Variants in TRAPPC9 observed in about 807,000 individuals in gnomAD.
TRAPPC9 encodes IKK2 binding protein.
Under a neutral mutation model 124.0 loss-of-function variants are expected in TRAPPC9, and 83 were observed. That is an observed-to-expected ratio of 0.67 (90% confidence interval 0.56 to 0.80). The LOEUF (loss-of-function observed/expected upper bound fraction) is 0.80. Among genes scored for constraint, TRAPPC9 ranks in the 30% least tolerant of loss-of-function variants. The pLI, the probability that TRAPPC9 is intolerant of heterozygous loss-of-function variation, is 0.00. For missense variants in TRAPPC9, 1,302 were observed against 1,508.3 expected (o/e 0.86, Z 2.27); for synonymous variants, 638 against 617.5 (o/e 1.03, Z -0.49).
intron 21 of TRAPPC9, among the ~76,000 whole-genome samples, chr8:139,815,152 T>C (rs1824739699): frequency 6.6e-6 from 1 of 152,082 alleles, no homozygotes; most frequent in Non-Finnish European, 1.5e-5. Context: ...TATCAGTCAA[T>C]TGAGGGGAAG....
At chr8:139,997,327 C>T (rs763888346) in intron 18 of TRAPPC9, among the ~76,000 whole-genome samples, 1 of 149,740 alleles carries the variant, frequency 6.7e-6, no homozygotes, top group Non-Finnish European at 1.5e-5. Flanking sequence ...GGAGAAAATA[C>T]ATCCTACACA....
chr8:140,172,837 T>G (rs1004830716), intron 17 of TRAPPC9, among the ~76,000 whole-genome samples: 1 of 152,238 alleles, frequency 6.6e-6, no homozygotes, highest in Non-Finnish European at 1.5e-5. Flanking sequence ...TCGGTGAGAT[T>G]CCTTTGACCA....
chr8:139,929,559 C>T (rs1313301946), intron 19 of TRAPPC9, among the ~76,000 whole-genome samples: 1 of 152,162 alleles, frequency 6.6e-6, no homozygotes, highest in Non-Finnish European at 1.5e-5. Context: ...CTTCGGGCAG[C>T]CTCAGTTCTT....
intron 9 of TRAPPC9, among the ~76,000 whole-genome samples, chr8:140,327,295 T>A (rs1307367163): frequency 1.3e-5 from 2 of 152,110 alleles, no homozygotes; most frequent in African/African-American, 2.4e-5. Flanking sequence ...CTGACCCTCA[T>A]GCACTGCTGG....
At chr8:140,175,635 T>C (rs994217086) in intron 17 of TRAPPC9, among the ~76,000 whole-genome samples, 3 of 152,184 alleles carry the variant, frequency 2.0e-5, no homozygotes, top group Non-Finnish European at 4.4e-5. Flanking sequence ...AAGATTTAGA[T>C]GTAAAACAAC....
At chr8:139,772,252 C>A (rs550292108) in intron 21 of TRAPPC9, among the ~76,000 whole-genome samples, 1 of 152,354 alleles carries the variant, frequency 6.6e-6, no homozygotes, top group Admixed American at 6.5e-5. Flanking sequence ...TGTGGCCCTA[C>A]AGGCCCGTGC....
Position 140,087,256 on chromosome 8 carries a change from C to G in TRAPPC9, c.2557-63177G>C, listed in dbSNP as rs1310614066. ...TCCTCCTCTGTCTCCCGTGCCCTCCCCCCGGCCCCATCACCCTGCAGATGT... is the reference window on the plus strand; with the variant it reads ...TCCTCCTCTGTCTCCCGTGCCCTCCGCCCGGCCCCATCACCCTGCAGATGT... On this transcript the variant is annotated intron_variant, in intron 17 of 22. Coordinates refer to ENST00000438773, the MANE Select transcript of TRAPPC9 (RefSeq NM_001160372.4). This position sits in a 1 kb window ranked among gnomAD's most constrained non-coding sequence, Gnocchi z 4.6. Among the ~76,000 whole-genome samples, 1 of 152,166 alleles carries G rather than the reference C, an allele frequency of 6.6e-6. No homozygotes were observed. Among genetic ancestry groups the G allele is most frequent in the East Asian group, 1.9e-4 (1 of 5,184 alleles).
In TRAPPC9 at chr8:140,397,760, G is replaced by A. The variant is rs1190679792; in HGVS notation, c.1009-15C>T. ...GCATTCTTATACTGCAGGGTGTAAA[G>A]GAAATGCCTCAGTCAAAAAAGAGTT... On this transcript the variant is annotated splice_polypyrimidine_tract_variant and intron_variant, in intron 6 of 22. Transcript: ENST00000438773. 2.5e-6 allele frequency: 4 copies of A among 1,613,706 alleles called. No individual in the cohort carries two copies. In the Admixed American group the frequency reaches 6.7e-5, roughly 27 times the overall value.
chr8:140,389,241 G>C lies in TRAPPC9; in HGVS notation c.1134+8379C>G, dbSNP rs569308549. 1.2e-3 allele frequency among the ~76,000 whole-genome samples: 181 copies of C among 152,276 alleles called. 2 individuals carry two copies. Among genetic ancestry groups the C allele is most frequent in the African/African-American group, 4.3e-3 (178 of 41,546 alleles). ...CAAAGTGCTGGGACTACAGGCGTGAGCCACCGTGCCTGGCACTGTCCTTTT... is the reference window on the plus strand; with the variant it reads ...CAAAGTGCTGGGACTACAGGCGTGACCCACCGTGCCTGGCACTGTCCTTTT... On this transcript the variant is annotated intron_variant, in intron 7 of 22. Coordinates refer to ENST00000438773, the MANE Select transcript of TRAPPC9 (RefSeq NM_001160372.4).
intron 4 of TRAPPC9, among the ~76,000 whole-genome samples, chr8:140,433,130 C>T (rs956299750): frequency 4.0e-5 from 6 of 151,130 alleles, no homozygotes; most frequent in Admixed American, 1.3e-4. Context: ...GGCGAAACCT[C>T]GTCTCTACAA....
intron 19 of TRAPPC9, among the ~76,000 whole-genome samples, chr8:139,971,746 T>C (rs191810491): frequency 0.14 from 2,133 of 15,716 alleles, 43 homozygotes; most frequent in East Asian, 0.47. Context: ...CACATATATA[T>C]ATACACACAC....
intron 17 of TRAPPC9, among the ~76,000 whole-genome samples, chr8:140,209,082 C>G (rs2062995008): frequency 6.6e-6 from 1 of 152,198 alleles, no homozygotes; most frequent in Non-Finnish European, 1.5e-5. Context: ...GCACAGCAAA[C>G]CATCACTGAC....
chr8:140,054,025 C>T (rs770605337), intron 17 of TRAPPC9, among the ~76,000 whole-genome samples: 6 of 152,202 alleles, frequency 3.9e-5, no homozygotes, highest in Non-Finnish European at 8.8e-5. Flanking sequence ...TTTGCTACAA[C>T]ATGGATGTAG....
At chr8:140,045,144 A>C (rs989181918) in intron 17 of TRAPPC9, among the ~76,000 whole-genome samples, 1 of 152,172 alleles carries the variant, frequency 6.6e-6, no homozygotes, top group African/African-American at 2.4e-5. Context: ...AAGGAGAAGG[A>C]GGTGAGGAGT....
rs59188986 is a variant in TRAPPC9, at chr8:139,822,624, C to CGG, written c.3055+63253_3055+63254dup. Among the ~76,000 whole-genome samples the CGG allele has an allele frequency of 1.9e-3, 283 of 151,318 alleles. 3 individuals are homozygous for CGG. Among genetic ancestry groups the CGG allele is most frequent in the South Asian group, 7.6e-3 (36 of 4,766 alleles). On this transcript the variant is annotated intron_variant, in intron 21 of 22. Coordinates refer to ENST00000438773, the MANE Select transcript of TRAPPC9 (RefSeq NM_001160372.4). ...CTGAGAGCCAAGAGCCGTAGGATGG[C>CGG]GGGGGGGGGCTGCCTTGCCTCCATG...
At chr8:140,227,253 G>A (rs985436085) in intron 16 of TRAPPC9, among the ~76,000 whole-genome samples, 1 of 152,116 alleles carries the variant, frequency 6.6e-6, no homozygotes, top group Non-Finnish European at 1.5e-5. Context: ...GCTGGGGTGG[G>A]GTGGAGGGGA....
chr8:139,852,948 C>A (rs1451128458), intron 21 of TRAPPC9, among the ~76,000 whole-genome samples: 1 of 152,198 alleles, frequency 6.6e-6, no homozygotes, highest in Non-Finnish European at 1.5e-5. Flanking sequence ...TTCTGGCCTG[C>A]CCCCTGTCTG....
At chr8:140,124,144 T>A (rs902624004) in intron 17 of TRAPPC9, among the ~76,000 whole-genome samples, 1 of 152,200 alleles carries the variant, frequency 6.6e-6, no homozygotes, top group Admixed American at 6.5e-5. Context: ...TGACAAATGA[T>A]CACATATTTA....
chr8:140,327,464 G>A (rs1022466941), intron 9 of TRAPPC9, among the ~76,000 whole-genome samples: 6 of 152,170 alleles, frequency 3.9e-5, no homozygotes, highest in African/African-American at 1.4e-4. Context: ...GCAGACCAAT[G>A]TGCATAGCAG....
Sources: allele counts gnomAD v4.1 joint callset (sites outside exome capture counted in the v4.1 genomes callset), GRCh38; gene constraint gnomAD v4.1.1; non-coding constraint Gnocchi (gnomAD v3.1); transcripts MANE v1.5; gene names NCBI Gene and HGNC (gene_info 2026-07-23, HGNC 2026-07-21).